Variants in FYN observed in about 807,000 individuals in gnomAD.
FYN encodes the protein FYN proto-oncogene, Src family tyrosine kinase, also known as tyrosine-protein kinase Fyn.
Under a neutral mutation model 70.2 loss-of-function variants are expected in FYN, and 10 were observed. That is an observed-to-expected ratio of 0.14 (90% CI 0.09 to 0.24). The LOEUF (loss-of-function observed/expected upper bound fraction) is 0.24, where lower values mean the gene tolerates loss of function less well. FYN is among the 10% of genes least tolerant of loss of function. The probability of loss-of-function intolerance (pLI) is 1.00; values close to 1 mark genes in which losing one functional copy is unlikely to be tolerated. For missense variants in FYN, 319 were observed against 673.1 expected, an observed-to-expected ratio of 0.47 and a Z score of 5.82; for synonymous variants, 236 against 248.6, an observed-to-expected ratio of 0.95 and a Z score of 0.48.
chr6:111,787,998 T>A (rs1037863354), intron 2 of FYN, among the ~76,000 whole-genome samples: 1 of 152,242 alleles, frequency 6.6e-6, no homozygotes, highest in Admixed American at 6.5e-5. Context: ...CTCAGAGCAC[T>A]TGCTGTTCTC....
chr6:111,743,331 C>T lies in FYN; in HGVS notation c.-11-23269G>A, dbSNP rs979034414. Among the ~76,000 whole-genome samples the T allele has an allele frequency of 2.6e-5, 4 of 152,296 alleles. No homozygotes were observed. In the South Asian group the frequency reaches 8.3e-4, roughly 32 times the overall value. Reference sequence around the variant, plus strand: ...ACAAGGTTAACAAAAATGTGGCTTCCTCTATCTGTATCCCTGTATTTCTTA... The same window carrying T: ...ACAAGGTTAACAAAAATGTGGCTTCTTCTATCTGTATCCCTGTATTTCTTA... On this transcript the variant is annotated intron_variant, in intron 3 of 13. Coordinates refer to ENST00000354650, the MANE Select transcript of FYN (RefSeq NM_002037.5).
At position 111,868,352 on chromosome 6, in the gene FYN, T is replaced by G. The variant is rs568751701; in HGVS notation, c.-123+4616A>C. The stretch of plus-strand genomic sequence containing the variant: ...ATGAATGCTGTTAAATGAGTAAGTA[T>G]GTAGACAATTCATAAACTTATACAG... On this transcript the variant is annotated intron_variant, in intron 1 of 13. Transcript: ENST00000354650. Among the ~76,000 whole-genome samples, 4 of 152,334 alleles carry G rather than the reference T, an allele frequency of 2.6e-5. No individual in the cohort carries two copies. The South Asian group carries it at 8.3e-4, about 32-fold the overall frequency.
intron 3 of FYN, among the ~76,000 whole-genome samples, chr6:111,743,307 C>G (rs769823298): frequency 1.3e-5 from 2 of 152,132 alleles, no homozygotes; most frequent in Non-Finnish European, 1.5e-5. Flanking sequence ...TTCCAAAGAA[C>G]AAGGTTAACA....
intron 1 of FYN, among the ~76,000 whole-genome samples, chr6:111,870,094 T>C (rs1562552406): frequency 6.6e-6 from 1 of 152,218 alleles, no homozygotes; most frequent in Non-Finnish European, 1.5e-5. Flanking sequence ...TGTATCTTTT[T>C]TCTGAGCACA....
At chr6:111,800,761 G>T (rs1156969489) in intron 2 of FYN, among the ~76,000 whole-genome samples, 1 of 152,162 alleles carries the variant, frequency 6.6e-6, no homozygotes, top group African/African-American at 2.4e-5. Context: ...CCCAGCTTTA[G>T]ATTTAACCCT....
At chr6:111,803,306 C>CT (rs1265913607) in intron 2 of FYN, among the ~76,000 whole-genome samples, 1 of 152,152 alleles carries the variant, frequency 6.6e-6, no homozygotes, top group Non-Finnish European at 1.5e-5. Context: ...TCATTATAAC[C>CT]TTTTTTTCTC....
chr6:111,832,643 G>C (rs577318227), intron 2 of FYN, among the ~76,000 whole-genome samples: 1 of 152,096 alleles, frequency 6.6e-6, no homozygotes, highest in East Asian at 1.9e-4. Context: ...TTTAATAGAT[G>C]TATCACAGTT....
At chr6:111,706,908 A>G (rs752678143) in intron 6 of FYN, among the ~76,000 whole-genome samples, 41 of 152,222 alleles carry the variant, frequency 2.7e-4, no homozygotes, top group Non-Finnish European at 5.4e-4. Flanking sequence ...TAGGAGAAAG[A>G]AACAACTAAG....
intron 3 of FYN, among the ~76,000 whole-genome samples, chr6:111,767,225 G>C (rs1467599149): frequency 6.6e-6 from 1 of 151,968 alleles, no homozygotes; most frequent in African/African-American, 2.4e-5. Flanking sequence ...TAAAACTTCA[G>C]GTATATTGAA....
At chr6:111,778,745 C>G (rs1771051263) in intron 3 of FYN, among the ~76,000 whole-genome samples, 1 of 152,076 alleles carries the variant, frequency 6.6e-6, no homozygotes, top group African/African-American at 2.4e-5. Context: ...CTGCCCGCCT[C>G]AGCCTCCTAA....
In FYN at chr6:111,673,622, G is replaced by GTTT. The variant is rs71021858; in HGVS notation, c.1405+874_1405+876dup. Among the ~76,000 whole-genome samples, 416 of 116,576 alleles carry GTTT rather than the reference G, an allele frequency of 3.6e-3. 12 individuals carry two copies. The highest frequency in any genetic ancestry group is 0.012 in the African/African-American group (376 of 31,666). The allele number at this position is 116,576 out of a possible 152,430, so 76.5% of individuals were successfully genotyped here. On this transcript the variant is annotated intron_variant, in intron 13 of 13. Transcript: ENST00000354650. Reference sequence around the variant, plus strand: ...AATCGTCACTATCGTTTCTATCATTGTTTTTTTTTTTTTTTTTTTCTTTAA... The same window carrying GTTT: ...AATCGTCACTATCGTTTCTATCATTGTTTTTTTTTTTTTTTTTTTTTTCTTTAA...
intron 13 of FYN, among the ~76,000 whole-genome samples, chr6:111,669,655 T>A (rs988459168): frequency 1.3e-5 from 2 of 152,116 alleles, no homozygotes; most frequent in Non-Finnish European, 2.9e-5. Context: ...TATATATCCA[T>A]GTGTGAAGAT....
chr6:111,779,055 T>C (rs1204391903), intron 3 of FYN, among the ~76,000 whole-genome samples: 1 of 151,466 alleles, frequency 6.6e-6, no homozygotes, highest in Admixed American at 6.6e-5. Flanking sequence ...CAAGGTACCC[T>C]GTGCAACAGC....
chr6:111,867,432 GC>G (rs993923246), intron 1 of FYN, among the ~76,000 whole-genome samples: 3 of 126,814 alleles, frequency 2.4e-5, no homozygotes, highest in African/African-American at 1.0e-4. Flanking sequence ...TCTAGCCTGG[GC>G]AACAAGAGCG....
intron 1 of FYN, among the ~76,000 whole-genome samples, chr6:111,857,017 C>A (rs1186669419): frequency 2.6e-5 from 4 of 152,144 alleles, no homozygotes. Context: ...AGATGAAATG[C>A]AATTAAAAAG....
At chr6:111,745,901 A>T (rs892967791) in intron 3 of FYN, among the ~76,000 whole-genome samples, 12 of 152,344 alleles carry the variant, frequency 7.9e-5, no homozygotes, top group Middle Eastern at 3.4e-3. Context: ...TCCCCTGTGC[A>T]ACTTATACAA....
chr6:111,696,252 G>A, intron 10 of FYN, 25 bp downstream of exon 10: 9 of 1,581,702 alleles, frequency 5.7e-6, no homozygotes, highest in Non-Finnish European at 7.7e-6. Flanking sequence ...ACTGTGAGCT[G>A]GAGACAGGAG....
At chr6:111,747,437 AAAAT>A (rs1315803267) in intron 3 of FYN, among the ~76,000 whole-genome samples, 3 of 152,244 alleles carry the variant, frequency 2.0e-5, no homozygotes, top group African/African-American at 7.2e-5. Context: ...GCAGCATCAC[AAAAT>A]AAACAAAATA....
rs576489758 is a variant in FYN at position 111,696,637 on chromosome 6, T to G, written c.863-181A>C. 1.0e-4 allele frequency: 50 copies of G among 501,924 alleles called. No homozygotes were observed. In the South Asian group the frequency reaches 1.7e-3, roughly 17 times the overall value. 31.1% of individuals were successfully genotyped at this position (501,924 alleles called of 1,614,324 possible). ...AAGTATTTTAACAGAAAAAATGAGTTTATTTGTGGTTATGGCTAAGATGGC... is the reference window on the plus strand; with the variant it reads ...AAGTATTTTAACAGAAAAAATGAGTGTATTTGTGGTTATGGCTAAGATGGC... On this transcript the variant is annotated intron_variant, in intron 9 of 13. Coordinates refer to ENST00000354650, the MANE Select transcript of FYN (RefSeq NM_002037.5).
Sources: allele counts gnomAD v4.1 joint callset (sites outside exome capture counted in the v4.1 genomes callset), GRCh38; gene constraint gnomAD v4.1.1; transcripts MANE v1.5; gene names NCBI Gene and HGNC (gene_info 2026-07-23, HGNC 2026-07-21).